The following HDGFL2 variants were observed in gnomAD, a reference collection of about 807,000 sequenced individuals.
HDGFL2 encodes the protein hepatoma-derived growth factor-related protein 2.
Under a neutral mutation model 77.1 loss-of-function variants are expected in HDGFL2, and 36 were observed. That is an observed-to-expected ratio of 0.47 (90% CI 0.36 to 0.62). The LOEUF is 0.62. Among genes scored for constraint, HDGFL2 ranks in the 20% least tolerant of loss-of-function variants. HDGFL2 has a pLI of 0.00. For synonymous variants in HDGFL2, 463 were observed against 413.1 expected (o/e 1.12, Z -1.46); for missense variants, 976 against 973.4 (o/e 1.00, Z -0.04).
At chr19:4,486,569 G>A (rs1367649296) in intron 3 of HDGFL2, among the ~76,000 whole-genome samples, 1 of 151,812 alleles carries the variant, frequency 6.6e-6, no homozygotes, top group African/African-American at 2.4e-5. Context: ...GCCAAGCACG[G>A]TGGCTCACTC....
intron 3 of HDGFL2, among the ~76,000 whole-genome samples, chr19:4,486,770 C>CCA (rs1975372678): frequency 6.6e-6 from 1 of 152,124 alleles, no homozygotes; most frequent in Non-Finnish European, 1.5e-5. Flanking sequence ...TTCACCATCT[C>CCA]CACCCGCTTC....
At chr19:4,497,808 GGCCTCCCC>G (rs1975746461) in intron 10 of HDGFL2, 142 bp from the exon 11 acceptor site, 1 of 669,014 alleles carries the variant, frequency 1.5e-6, no homozygotes, top group South Asian at 1.9e-5. Context: ...GCTGTGGCAG[GGCCTCCCC>G]GCCTCCCGTT....
intron 13 of HDGFL2, 142 bp from the exon 14 acceptor site, chr19:4,499,345 CAAAA>C: frequency 1.7e-6 from 1 of 584,310 alleles, no homozygotes; most frequent in South Asian, 2.2e-5. Flanking sequence ...GACTCTGTCT[CAAAA>C]AAAAAAAAAG....
chr19:4,485,095 T>C (rs575305842), intron 3 of HDGFL2, among the ~76,000 whole-genome samples: 1 of 152,210 alleles, frequency 6.6e-6, no homozygotes, highest in East Asian at 1.9e-4. Flanking sequence ...CATGAGCCAC[T>C]GCGCCTGGCC....
rs376976555 is a variant in HDGFL2 at position 4,501,232 on chromosome 19, G to C, written c.1831G>C (p.Gly611Arg). The C allele has an allele frequency of 5.0e-6, 8 of 1,613,666 alleles. No individual in the cohort carries two copies. Among genetic ancestry groups the C allele is most frequent in the African/African-American group, 1.3e-5 (1 of 74,940 alleles). ...GAATGGCGAGGCCACATCACAGAAG[G>C]GGGAGAGCGCAGAGGACAAGGAGCA... is the stretch of plus-strand genomic sequence containing the variant. Reference protein sequence around the residue: ...PVNGEATSQKGESAEDKEHEE... With the variant: ...PVNGEATSQKRESAEDKEHEE... The change falls in exon 15 of 16, where the codon GGG becomes CGG. Residue 611 changes from glycine to arginine, a missense_variant. Coordinates refer to ENST00000616600, the MANE Select transcript of HDGFL2 (RefSeq NM_001001520.3).
intron 3 of HDGFL2, among the ~76,000 whole-genome samples, chr19:4,487,580 C>T (rs545395438): frequency 1.2e-4 from 18 of 152,272 alleles, no homozygotes; most frequent in South Asian, 6.2e-4. Flanking sequence ...TACAACCATA[C>T]GCCCGTGTTT....
intron 15 of HDGFL2, chr19:4,501,531 C>G (rs1975883866): frequency 1.9e-6 from 1 of 535,954 alleles, no homozygotes; most frequent in South Asian, 2.8e-5. Context: ...GGGCTTTGAG[C>G]TGCCTGCCCC....
chr19:4,500,403 A>G (rs1975830960), intron 14 of HDGFL2, among the ~76,000 whole-genome samples: 1 of 148,948 alleles, frequency 6.7e-6, no homozygotes, highest in African/African-American at 2.5e-5. Context: ...CCTCCACCTC[A>G]GCCTCCTGAG....
At chr19:4,483,184 C>T (rs1311293508) in intron 3 of HDGFL2, among the ~76,000 whole-genome samples, 2 of 152,234 alleles carry the variant, frequency 1.3e-5, no homozygotes, top group Non-Finnish European at 1.5e-5. Context: ...AGGGCCCTGT[C>T]GCTTGGGCCA....
intron 6 of HDGFL2, among the ~76,000 whole-genome samples, chr19:4,492,875 G>A (rs1434724831): frequency 1.7e-5 from 2 of 120,536 alleles, no homozygotes; most frequent in Non-Finnish European, 3.5e-5. Context: ...GGTGTGTGTG[G>A]TGTGGTGTGT....
At position 4,502,014 on chromosome 19, in the gene HDGFL2, G is replaced by C. The variant is rs746601568; in HGVS notation, c.*4G>C. 2.6e-6 allele frequency: 4 copies of C among 1,518,358 alleles called. No homozygotes were observed. Among genetic ancestry groups the C allele is most frequent in the Non-Finnish European group, 3.5e-6 (4 of 1,139,786 alleles). The allele number at this position is 1,518,358 out of a possible 1,614,324, so 94.1% of individuals were successfully genotyped here. ...GGCCCTGGACGAGGAGAGCTGAGCC[G>C]CGGGCAGCCAGGCCCAGCCCCCGCC... On this transcript the variant is annotated 3_prime_UTR_variant, in exon 16 of 16. Coordinates refer to ENST00000616600, the MANE Select transcript of HDGFL2 (RefSeq NM_001001520.3).
intron 9 of HDGFL2, 102 bp downstream of exon 9, chr19:4,494,577 A>C: frequency 9.2e-6 from 8 of 872,474 alleles, no homozygotes; most frequent in Non-Finnish European, 1.2e-5. Context: ...CCCATCAAGA[A>C]AGCAGTGCGT....
rs1975776641 is a variant in HDGFL2, at chr19:4,498,760, C to CCCCTGGGGAT, written c.1474-49_1474-40dup. On this transcript the variant is annotated intron_variant, in intron 12 of 15. Transcript: ENST00000616600. ...TCCTCCACCCATCGGGGCCCTGGGA[C>CCCCTGGGGAT]CCCTGGGGATCCCTTGGCCAGGCCG... 1.2e-5 allele frequency: 15 copies of CCCCTGGGGAT among 1,241,606 alleles called. 1 individual carries two copies. Among genetic ancestry groups the CCCCTGGGGAT allele is most frequent in the South Asian group, 1.0e-4 (8 of 78,604 alleles). 76.9% of individuals were successfully genotyped at this position (1,241,606 alleles called of 1,614,324 possible).
At chr19:4,478,197 G>GTTTTTTTTTT (rs113038095) in intron 3 of HDGFL2, among the ~76,000 whole-genome samples, 1 of 140,480 alleles carries the variant, frequency 7.1e-6, no homozygotes, top group Non-Finnish European at 1.5e-5. Context: ...GGATGCTGCT[G>GTTTTTTTTTT]TTTTTTTTTT....
chr19:4,473,672 A>ACC (rs901637770), intron 1 of HDGFL2, among the ~76,000 whole-genome samples: 32 of 75,524 alleles, frequency 4.2e-4, no homozygotes, highest in Admixed American at 7.7e-4. Context: ...GGAAGCTGGG[A>ACC]CCTCTGAGTG....
chr19:4,478,656 C>T (rs1251660470), intron 3 of HDGFL2, among the ~76,000 whole-genome samples: 1 of 151,434 alleles, frequency 6.6e-6, no homozygotes, highest in Admixed American at 6.6e-5. Flanking sequence ...CAGTAATCCT[C>T]AGAGTGGCCC....
chr19:4,472,488 A>T, intron 1 of HDGFL2, 66 bp downstream of exon 1: 5 of 806,850 alleles, frequency 6.2e-6, no homozygotes, highest in Non-Finnish European at 6.0e-6. Flanking sequence ...CCCGGGCCGG[A>T]GGCGGGCACT....
chr19:4,474,708 C>G (rs1473481389), intron 1 of HDGFL2, among the ~76,000 whole-genome samples: 1 of 152,128 alleles, frequency 6.6e-6, no homozygotes, highest in Non-Finnish European at 1.5e-5. Flanking sequence ...CCTTCTCCAG[C>G]CTGCTCTCCT....
chr19:4,483,038 G>A (rs1433836439), intron 3 of HDGFL2, among the ~76,000 whole-genome samples: 3 of 152,158 alleles, frequency 2.0e-5, no homozygotes, highest in South Asian at 2.1e-4. Context: ...CCAGGTACGC[G>A]AGCCCTTCCC....
Sources: allele counts gnomAD v4.1 joint callset (sites outside exome capture counted in the v4.1 genomes callset), GRCh38; gene constraint gnomAD v4.1.1; transcripts MANE v1.5; gene names NCBI Gene and HGNC (gene_info 2026-07-23, HGNC 2026-07-21).